CELSR1: variants seen among roughly 807,000 people sequenced by gnomAD.
The protein encoded by CELSR1 is adhesion G protein-coupled receptor C1.
Under a neutral mutation model 249.1 loss-of-function variants are expected in CELSR1, and 110 were observed. The ratio of observed to expected loss-of-function variants is 0.44; its 90% CI spans 0.38 to 0.52. The LOEUF is 0.52. Among genes scored for constraint, CELSR1 ranks in the 20% least tolerant of loss-of-function variants. The pLI, the probability that CELSR1 is intolerant of heterozygous loss-of-function variation, is 0.00. For missense variants in CELSR1, 4,109 were observed against 4,296.4 expected, an observed-to-expected ratio of 0.96 and a Z score of 1.22; for synonymous variants, 2,113 against 1,900.0, an observed-to-expected ratio of 1.11 and a Z score of -2.92.
rs1224317929 is a variant in CELSR1 at position 46,506,370 on chromosome 22, C to T, written c.3544+27257G>A. ...TGGGGTTTGGGGAGGCCCCACCTCC[C>T]TCCTCAGACTTACTGAGCCCCTCAG... On this transcript the variant is annotated intron_variant, in intron 1 of 34. Transcript: ENST00000674500. This position sits in a 1 kb window ranked among gnomAD's most constrained non-coding sequence, Gnocchi z 4.1. Among the ~76,000 whole-genome samples, 7 of 152,142 alleles carry T rather than the reference C, an allele frequency of 4.6e-5. No individual in the cohort carries two copies. The highest frequency in any genetic ancestry group is 1.7e-4 in the African/African-American group (7 of 41,426).
rs566835876 is a variant in CELSR1 at position 46,484,198 on chromosome 22, G to A, written c.3545-19853C>T. Among the ~76,000 whole-genome samples, 7 of 152,236 alleles carry A rather than the reference G, an allele frequency of 4.6e-5. No individual in the cohort carries two copies. Among genetic ancestry groups the A allele is most frequent in the African/African-American group, 1.7e-4 (7 of 41,550 alleles). Reference sequence around the variant, plus strand: ...AGAGCCGTTACGACGGTGGGGACGGGTCCGAGGTCTGAACTGGGCACCAGT... The same window carrying A: ...AGAGCCGTTACGACGGTGGGGACGGATCCGAGGTCTGAACTGGGCACCAGT... On this transcript the variant is annotated intron_variant, in intron 1 of 34. Transcript: ENST00000674500. The surrounding 1 kb of genome is among the most constrained non-coding windows in gnomAD (Gnocchi z 4.5).
Position 46,390,344 on chromosome 22 carries a change from G to A in CELSR1, c.6345+48C>T, listed in dbSNP as rs537857864. ...CACACAAACTCTCTCACGCATACACGAACACACACGTGCCCCTGCTGAACA... is the reference window on the plus strand; with the variant it reads ...CACACAAACTCTCTCACGCATACACAAACACACACGTGCCCCTGCTGAACA... On this transcript the variant is annotated intron_variant, in intron 17 of 34. Coordinates refer to ENST00000674500, the MANE Select transcript of CELSR1 (RefSeq NM_001378328.1). The surrounding 1 kb of genome is among the most constrained non-coding windows in gnomAD (Gnocchi z 6.3). 50 of 1,454,966 alleles carry A rather than the reference G, an allele frequency of 3.4e-5. 1 individual carries two copies. The East Asian group carries it at 6.5e-4, about 19-fold the overall frequency. The allele number at this position is 1,454,966 out of a possible 1,614,324, so 90.1% of individuals were successfully genotyped here.
At chr22:46,456,865 C>T (rs1308897221) in intron 2 of CELSR1, among the ~76,000 whole-genome samples, 5 of 136,650 alleles carry the variant, frequency 3.7e-5, no homozygotes, top group East Asian at 2.1e-4. Context: ...AGGAGGCCCT[C>T]GCAGGGACAG....
rs893500534 is a variant in CELSR1 at position 46,447,698 on chromosome 22, C to T, written c.4184-8287G>A. ...AGTGCAATGGTGCGATCTCGGCTCA[C>T]AACCTCCACCTCCCAGGTTCAAGCG... On this transcript the variant is annotated intron_variant, in intron 2 of 34. Coordinates refer to ENST00000674500, the MANE Select transcript of CELSR1 (RefSeq NM_001378328.1). The surrounding 1 kb of genome is among the most constrained non-coding windows in gnomAD (Gnocchi z 4.7). Among the ~76,000 whole-genome samples the T allele has an allele frequency of 1.3e-5, 2 of 152,216 alleles. No homozygotes were observed. Among genetic ancestry groups the T allele is most frequent in the South Asian group, 4.1e-4 (2 of 4,836 alleles).
intron 9 of CELSR1, among the ~76,000 whole-genome samples, chr22:46,403,999 GA>G (rs958889391): frequency 2.0e-4 from 27 of 133,536 alleles, no homozygotes; most frequent in South Asian, 2.0e-3. Flanking sequence ...AAGAAAAAAA[GA>G]AAAAAAAAAC....
chr22:46,381,706 G>A lies in CELSR1; in HGVS notation c.7088+140C>T, dbSNP rs2078979261. ...CCTCCAAGGACCACCACAAGGCAAT[G>A]GTCTCTGTCTCTGGGCCAGGGTCAC... is the stretch of plus-strand genomic sequence containing the variant. On this transcript the variant is annotated intron_variant, in intron 21 of 34. Coordinates refer to ENST00000674500, the MANE Select transcript of CELSR1 (RefSeq NM_001378328.1). The surrounding 1 kb of genome is among the most constrained non-coding windows in gnomAD (Gnocchi z 6.0). 1 of 783,558 alleles carries A rather than the reference G, an allele frequency of 1.3e-6. No individual in the cohort carries two copies. Among genetic ancestry groups the A allele is most frequent in the East Asian group, 2.7e-5 (1 of 37,076 alleles). The allele number at this position is 783,558 out of a possible 1,614,324, so 48.5% of individuals were successfully genotyped here.
At position 46,518,403 on chromosome 22, in the gene CELSR1, C is replaced by A. The variant is rs1429240046; in HGVS notation, c.3544+15224G>T. Among the ~76,000 whole-genome samples the A allele has an allele frequency of 6.6e-6, 1 of 152,220 alleles. No homozygotes were observed. The highest frequency in any genetic ancestry group is 1.5e-5 in the Non-Finnish European group (1 of 68,042). On this transcript the variant is annotated intron_variant, in intron 1 of 34. Coordinates refer to ENST00000674500, the MANE Select transcript of CELSR1 (RefSeq NM_001378328.1). The surrounding 1 kb of genome is among the most constrained non-coding windows in gnomAD (Gnocchi z 5.2). Reference sequence around the variant, plus strand: ...GGCTCCCACAGACCACATTGCACTGCGACAAGGCAAACCGATGGTGTGCTC... The same window carrying A: ...GGCTCCCACAGACCACATTGCACTGAGACAAGGCAAACCGATGGTGTGCTC...
chr22:46,461,496 C>T (rs949543896), intron 2 of CELSR1, among the ~76,000 whole-genome samples: 1 of 152,202 alleles, frequency 6.6e-6, no homozygotes, highest in African/African-American at 2.4e-5. Flanking sequence ...TTCCTGCAGC[C>T]TGGACTGGCG....
Position 46,398,023 on chromosome 22 carries a change from T to C in CELSR1, c.5527-175A>G, listed in dbSNP as rs1358072770. ...TTGCCCCACGGCCTGCTGGCCGGAG[T>C]GCAGTGGAGGGCTGGGTGAGGAGCT... is the stretch of plus-strand genomic sequence containing the variant. On this transcript the variant is annotated intron_variant, in intron 11 of 34. Coordinates refer to ENST00000674500, the MANE Select transcript of CELSR1 (RefSeq NM_001378328.1). The surrounding 1 kb of genome is among the most constrained non-coding windows in gnomAD (Gnocchi z 7.2). Among the ~76,000 whole-genome samples the C allele has an allele frequency of 4.6e-5, 7 of 151,998 alleles. No individual in the cohort carries two copies. Among genetic ancestry groups the C allele is most frequent in the Non-Finnish European group, 7.4e-5 (5 of 67,986 alleles).
Position 46,536,037 on chromosome 22 carries a change from G to A in CELSR1, c.1134C>T (p.Ser378=), listed in dbSNP as rs772840985. Reference sequence around the variant, plus strand: ...TGGCGTTGATGGGCGAGTCGCGGTCGCTGGCGCGGATGGTCAGCACCTCGT... The same window carrying A: ...TGGCGTTGATGGGCGAGTCGCGGTCACTGGCGCGGATGGTCAGCACCTCGT... ...VGYEVLTIRA[S]DRDSPINANL... is the part of the protein sequence containing the mutation. The change falls in exon 1 of 35, where the codon AGC becomes AGT. Residue 378 remains serine (S), a synonymous_variant. Transcript: ENST00000674500. The A allele has an allele frequency of 2.4e-5, 38 of 1,610,162 alleles. No individual in the cohort carries two copies. Among genetic ancestry groups the A allele is most frequent in the Non-Finnish European group, 3.1e-5 (36 of 1,179,894 alleles).
Position 46,409,123 on chromosome 22 carries a change from A to G in CELSR1, c.5099T>C (p.Val1700Ala), listed in dbSNP as rs1569142063. The change falls in exon 9 of 35, where the codon GTG (valine) becomes GCG (alanine). Residue 1700 changes from valine to alanine, a missense_variant. Around this residue, in one of 7 missense-constraint regions of CELSR1, gnomAD observed 453 missense variants for 492.0 expected, o/e 0.92. Coordinates refer to ENST00000674500, the MANE Select transcript of CELSR1 (RefSeq NM_001378328.1). The surrounding 1 kb of genome is among the most constrained non-coding windows in gnomAD (Gnocchi z 9.8). Reference protein sequence around the residue: ...HPQLFSGESVVSWSDLNIIIS... With the variant: ...HPQLFSGESVASWSDLNIIIS... The stretch of plus-strand genomic sequence containing the variant: ...GATGATGTTCAGGTCACTCCAGGAC[A>G]CGACGCTCTCACCGCTGAAGAGCTG... The G allele has an allele frequency of 1.2e-6, 2 of 1,613,504 alleles. No individual in the cohort carries two copies. Among genetic ancestry groups the G allele is most frequent in the Middle Eastern group, 1.7e-4 (1 of 6,058 alleles).
intron 1 of CELSR1, among the ~76,000 whole-genome samples, chr22:46,502,910 G>A (rs138783169): frequency 4.1e-4 from 63 of 152,252 alleles, no homozygotes; most frequent in Non-Finnish European, 8.7e-4. Context: ...CATAATTCCC[G>A]GGAGACAGCA....
At chr22:46,481,596 C>G (rs557646228) in intron 1 of CELSR1, 588 of 777,564 alleles carry the variant, frequency 7.6e-4, no homozygotes, top group Non-Finnish European at 9.9e-4. Context: ...ACTGGTGCAC[C>G]TGCTCCGTGG....
In CELSR1 at chr22:46,412,174, C is replaced by A. The variant is rs537411210; in HGVS notation, c.4612-415G>T. On this transcript the variant is annotated intron_variant, in intron 5 of 34. Coordinates refer to ENST00000674500, the MANE Select transcript of CELSR1 (RefSeq NM_001378328.1). This position sits in a 1 kb window ranked among gnomAD's most constrained non-coding sequence, Gnocchi z 4.5. The stretch of plus-strand genomic sequence containing the variant: ...ACAAGCCAAGGGCCACCTGGGCCAC[C>A]GACAGCTAGGAAAAGGCAGGAAGGG... Among the ~76,000 whole-genome samples, 1 of 152,172 alleles carries A rather than the reference C, an allele frequency of 6.6e-6. No individual in the cohort carries two copies. The highest frequency in any genetic ancestry group is 6.5e-5 in the Admixed American group (1 of 15,280).
rs1163898562 is a variant in CELSR1 at position 46,441,716 on chromosome 22, A to G, written c.4184-2305T>C. Reference sequence around the variant, plus strand: ...CCACCCCATGACCTCATCTAAACCTAATCACCTCCTAAAGCACCCATCCTG... The same window carrying G: ...CCACCCCATGACCTCATCTAAACCTGATCACCTCCTAAAGCACCCATCCTG... On this transcript the variant is annotated intron_variant, in intron 2 of 34. Transcript: ENST00000674500. The surrounding 1 kb of genome is among the most constrained non-coding windows in gnomAD (Gnocchi z 6.1). 6.6e-6 allele frequency among the ~76,000 whole-genome samples: 1 copy of G among 152,064 alleles called. No individual in the cohort carries two copies. The highest frequency in any genetic ancestry group is 1.5e-5 in the Non-Finnish European group (1 of 68,006).
At chr22:46,505,001 G>T (rs200247602) in intron 1 of CELSR1, among the ~76,000 whole-genome samples, 1 of 152,168 alleles carries the variant, frequency 6.6e-6, no homozygotes, top group Non-Finnish European at 1.5e-5. Context: ...GGCGGCTCAC[G>T]CCTGTAATCC....
At position 46,536,683 on chromosome 22, in the gene CELSR1, C is replaced by A. The variant is rs1301695808; in HGVS notation, c.488G>T (p.Arg163Met). ...GATGGGACGGCCGGGACAGCGGGGC[C>A]TGGGGCGCGGCGGGCAGCGGCAGGC... ...LPACRCPPRPRPRCPGRPICL... is the reference protein window; with the variant it reads ...LPACRCPPRPMPRCPGRPICL... The change falls in exon 1 of 35, where the codon AGG (arginine) becomes ATG (methionine). Residue 163 changes from arginine to methionine, a missense_variant. Around this residue, in one of 7 missense-constraint regions of CELSR1, gnomAD observed 673 missense variants for 636.8 expected, o/e 1.06. Transcript: ENST00000674500. 140 of 1,150,696 alleles carry A rather than the reference C, an allele frequency of 1.2e-4. No individual in the cohort carries two copies. The highest frequency in any genetic ancestry group is 1.4e-4 in the Non-Finnish European group (131 of 938,950). 71.3% of individuals were successfully genotyped at this position (1,150,696 alleles called of 1,614,324 possible).
At chr22:46,533,149 C>T (rs375763009) in intron 1 of CELSR1, among the ~76,000 whole-genome samples, 66 of 152,296 alleles carry the variant, frequency 4.3e-4, no homozygotes, top group African/African-American at 1.5e-3. Context: ...ACACCGGCTG[C>T]ATTATAGGGT....
At position 46,377,234 on chromosome 22, in the gene CELSR1, C is replaced by T. The variant is rs765262889; in HGVS notation, c.7411G>A (p.Val2471Ile). 6.2e-7 allele frequency: 1 copy of T among 1,614,010 alleles called. No individual in the cohort carries two copies. The highest frequency in any genetic ancestry group is 1.3e-5 in the African/African-American group (1 of 75,064). Residue 2471 changes from valine to isoleucine, a missense_variant, in exon 24 of 35, where the codon GTC (valine) becomes ATC (isoleucine). Transcript: ENST00000674500. ...ENGEVLPLKI[V>I]TYAAVSLSLA... ...GACAAGGACACAGCGGCATAGGTGA[C>T]AATCTTCAGAGGCAGGACCTCCCCG...
Sources: allele counts gnomAD v4.1 joint callset (sites outside exome capture counted in the v4.1 genomes callset), GRCh38; gene constraint gnomAD v4.1.1; regional missense constraint gnomAD v4.1.1; non-coding constraint Gnocchi (gnomAD v3.1); transcripts MANE v1.5; gene names NCBI Gene and HGNC (gene_info 2026-07-23, HGNC 2026-07-21).